SORCS1: variants seen among roughly 807,000 people sequenced by gnomAD.
SORCS1 encodes the protein sortilin related VPS10 domain containing receptor 1, also known as VPS10 domain-containing receptor SorCS1.
SORCS1 carries 60 observed loss-of-function variants against 146.1 expected under a neutral mutation model. That is an observed-to-expected ratio of 0.41 (90% CI 0.33 to 0.51). SORCS1 has a LOEUF of 0.51. SORCS1 is among the 20% of genes least tolerant of loss of function. The probability of loss-of-function intolerance (pLI) is 0.21; values close to 1 mark genes in which losing one functional copy is unlikely to be tolerated. For missense variants in SORCS1, 1,352 were observed against 1,487.6 expected, an observed-to-expected ratio of 0.91 and a Z score of 1.50; for synonymous variants, 637 against 584.0, an observed-to-expected ratio of 1.09 and a Z score of -1.31.
chr10:106,593,711 G>A (rs1845746143), intron 24 of SORCS1, among the ~76,000 whole-genome samples: 1 of 152,148 alleles, frequency 6.6e-6, no homozygotes, highest in Non-Finnish European at 1.5e-5. Context: ...TACAATGGTT[G>A]GAAGTCAAAG....
intron 5 of SORCS1, among the ~76,000 whole-genome samples, chr10:106,750,860 C>A (rs1858144300): frequency 6.7e-6 from 1 of 148,336 alleles, no homozygotes; most frequent in South Asian, 2.1e-4. Context: ...GAGATGGAGA[C>A]CATCCTGGCT....
intron 17 of SORCS1, among the ~76,000 whole-genome samples, chr10:106,657,253 A>AG (rs754466529): frequency 2.9e-4 from 44 of 152,174 alleles, no homozygotes; most frequent in Non-Finnish European, 5.1e-4. Context: ...GTGTACATAC[A>AG]CCATGGAATA....
intron 2 of SORCS1, among the ~76,000 whole-genome samples, chr10:106,931,666 C>A (rs191368736): frequency 6.6e-6 from 1 of 152,270 alleles, no homozygotes; most frequent in Admixed American, 6.5e-5. Context: ...ATAATGGAAA[C>A]TTTCAAGAAT....
intron 1 of SORCS1, among the ~76,000 whole-genome samples, chr10:107,110,761 G>A (rs1443389535): frequency 1.3e-5 from 2 of 152,132 alleles, no homozygotes; most frequent in Non-Finnish European, 2.9e-5. Flanking sequence ...GCCTGCCCAG[G>A]TACATATTCA....
chr10:106,841,678 T>C (rs1949049659), intron 2 of SORCS1, among the ~76,000 whole-genome samples: 1 of 152,234 alleles, frequency 6.6e-6, no homozygotes, highest in Non-Finnish European at 1.5e-5. Flanking sequence ...GTTGAAATCA[T>C]ACAGCATCTA....
At chr10:107,003,823 G>A (rs1390316106) in intron 1 of SORCS1, among the ~76,000 whole-genome samples, 3 of 152,014 alleles carry the variant, frequency 2.0e-5, no homozygotes, top group Non-Finnish European at 2.9e-5. Context: ...AGAAGGAAGG[G>A]GGCAGGGAAT....
chr10:106,900,279 T>C (rs952610533), intron 2 of SORCS1, among the ~76,000 whole-genome samples: 1 of 152,156 alleles, frequency 6.6e-6, no homozygotes, highest in East Asian at 1.9e-4. Flanking sequence ...ATATCCCCGG[T>C]ACCTTTCCCT....
chr10:106,860,951 C>G (rs1949987990), intron 2 of SORCS1, among the ~76,000 whole-genome samples: 2 of 152,194 alleles, frequency 1.3e-5, no homozygotes, highest in South Asian at 4.2e-4. Context: ...ATGCACTGTA[C>G]TTGAAATGAA....
intron 22 of SORCS1, 30 bp from the exon 23 acceptor site, chr10:106,607,327 G>C: frequency 1.2e-6 from 2 of 1,612,108 alleles, no homozygotes; most frequent in Non-Finnish European, 1.7e-6. Flanking sequence ...GCTCACATTA[G>C]TGCTGCAGAG....
chr10:106,722,172 T>C (rs1049152135), intron 6 of SORCS1, among the ~76,000 whole-genome samples: 2 of 148,280 alleles, frequency 1.3e-5, no homozygotes, highest in Non-Finnish European at 1.5e-5. Context: ...AATAAAAAGA[T>C]AAGAGTTTAT....
At chr10:107,026,859 C>A (rs769345649) in intron 1 of SORCS1, among the ~76,000 whole-genome samples, 23 of 151,652 alleles carry the variant, frequency 1.5e-4, no homozygotes, top group Non-Finnish European at 2.9e-4. Flanking sequence ...GGATTGTCAA[C>A]AAACCTGAAA....
intron 23 of SORCS1, chr10:106,600,804 G>C (rs1003686048): frequency 1.4e-6 from 1 of 690,950 alleles, no homozygotes. Context: ...CCTAATCCTA[G>C]GGTATCTCCA....
At chr10:106,756,026 G>A (rs1017561677) in intron 5 of SORCS1, among the ~76,000 whole-genome samples, 3 of 152,150 alleles carry the variant, frequency 2.0e-5, no homozygotes, top group African/African-American at 4.8e-5. Flanking sequence ...CTACTCAGGA[G>A]GCTGAGGCAG....
intron 1 of SORCS1, among the ~76,000 whole-genome samples, chr10:107,088,375 G>A (rs1294774086): frequency 6.6e-6 from 1 of 152,118 alleles, no homozygotes; most frequent in South Asian, 2.1e-4. Context: ...AATGACCACA[G>A]GCAGCTTTTA....
chr10:106,958,834 G>A (rs1006734118), intron 1 of SORCS1, among the ~76,000 whole-genome samples: 3 of 152,270 alleles, frequency 2.0e-5, no homozygotes, highest in Non-Finnish European at 2.9e-5. Context: ...TCCCAGGAAC[G>A]CTGATCAGTG....
At position 107,080,822 on chromosome 10, in the gene SORCS1, TA is replaced by T. The variant is rs1963274934; in HGVS notation, c.558+83146del. ...ACCTCATGTTGTCAACTGATCTCAATAAAATCTTATAGGAAACTCAAAAGGC... is the reference window on the plus strand; with the variant it reads ...ACCTCATGTTGTCAACTGATCTCAATAAATCTTATAGGAAACTCAAAAGGC... On this transcript the variant is annotated intron_variant, in intron 1 of 25. Transcript: ENST00000263054. 2.0e-5 allele frequency among the ~76,000 whole-genome samples: 3 copies of T among 152,330 alleles called. No homozygotes were observed. The South Asian group carries it at 6.2e-4, about 32-fold the overall frequency.
intron 2 of SORCS1, among the ~76,000 whole-genome samples, chr10:106,908,364 C>T (rs747042672): frequency 3.9e-5 from 6 of 152,124 alleles, no homozygotes; most frequent in Non-Finnish European, 8.8e-5. Context: ...CACACCATTA[C>T]GTAGAATATA....
chr10:106,852,708 T>C lies in SORCS1; in HGVS notation c.627-23035A>G, dbSNP rs150433836. ...GGTTGCTGAGAGTTTTTACCATGAA[T>C]TGGTATTAAGTTTTGTTATTTTCCC... is the stretch of plus-strand genomic sequence containing the variant. On this transcript the variant is annotated intron_variant, in intron 2 of 25. Coordinates refer to ENST00000263054, the MANE Select transcript of SORCS1 (RefSeq NM_052918.5). Among the ~76,000 whole-genome samples the C allele has an allele frequency of 3.6e-3, 550 of 151,952 alleles. 6 individuals are homozygous for C. The highest frequency in any genetic ancestry group is 0.013 in the African/African-American group (536 of 41,436).
At chr10:106,731,665 T>G (rs1856608916) in intron 5 of SORCS1, among the ~76,000 whole-genome samples, 1 of 152,180 alleles carries the variant, frequency 6.6e-6, no homozygotes, top group Non-Finnish European at 1.5e-5. Flanking sequence ...TTATAAAGAA[T>G]TATTTTTGTG....
Sources: allele counts gnomAD v4.1 joint callset (sites outside exome capture counted in the v4.1 genomes callset), GRCh38; gene constraint gnomAD v4.1.1; transcripts MANE v1.5; gene names NCBI Gene and HGNC (gene_info 2026-07-23, HGNC 2026-07-21).